Variants in MKLN1 observed in about 807,000 individuals in gnomAD.
MKLN1 encodes the protein muskelin 1.
MKLN1 carries 18 observed loss-of-function variants against 99.0 expected under a neutral mutation model. That is an observed-to-expected ratio of 0.18 (90% CI 0.13 to 0.27). MKLN1 has a LOEUF of 0.27. Ranked by LOEUF, MKLN1 falls within the 10% of genes least tolerant of loss-of-function variation. The probability of loss-of-function intolerance (pLI) is 1.00; values close to 1 mark genes in which losing one functional copy is unlikely to be tolerated. For synonymous variants in MKLN1, 288 were observed against 293.2 expected, an observed-to-expected ratio of 0.98 and a Z score of 0.18; for missense variants, 621 against 875.9, an observed-to-expected ratio of 0.71 and a Z score of 3.67.
chr7:131,120,170 C>CAAA (rs34545571), intron 1 of MKLN1, among the ~76,000 whole-genome samples: 5,890 of 76,332 alleles, frequency 0.077, 465 homozygotes, highest in Admixed American at 0.14. Context: ...GACTCCATCT[C>CAAA]AAAAAAAAAA....
intron 12 of MKLN1, among the ~76,000 whole-genome samples, chr7:131,446,250 A>G (rs1169339198): frequency 2.6e-5 from 4 of 152,116 alleles, no homozygotes; most frequent in Non-Finnish European, 5.9e-5. Context: ...TATATTAGGC[A>G]CTAGCATAGT....
At chr7:131,264,651 G>T (rs4731776) in intron 3 of MKLN1, among the ~76,000 whole-genome samples, 68,788 of 151,272 alleles carry the variant, frequency 0.45, 16,856 homozygotes, top group East Asian at 0.67. Flanking sequence ...GGGTTTTTGG[G>T]TTTTTTTTCT....
At chr7:131,466,751 ACT>A (rs932147782) in intron 15 of MKLN1, among the ~76,000 whole-genome samples, 1 of 152,174 alleles carries the variant, frequency 6.6e-6, no homozygotes, top group Non-Finnish European at 1.5e-5. Context: ...GCTTTTGATA[ACT>A]CTCTTAACTG....
chr7:131,227,527 T>TTCTTTCTC (rs1797174078), intron 3 of MKLN1, among the ~76,000 whole-genome samples: 1 of 149,308 alleles, frequency 6.7e-6, no homozygotes, highest in Non-Finnish European at 1.5e-5. Context: ...CTTTCTTTCT[T>TTCTTTCTC]TCTTTCTTTC....
intron 3 of MKLN1, among the ~76,000 whole-genome samples, chr7:131,285,946 G>A (rs1281412768): frequency 6.7e-6 from 1 of 149,140 alleles, no homozygotes. Context: ...TGTTTCCTCA[G>A]CATCTATGGA....
intron 3 of MKLN1, among the ~76,000 whole-genome samples, chr7:131,234,083 G>A (rs1381377515): frequency 6.6e-6 from 1 of 152,030 alleles, no homozygotes; most frequent in Non-Finnish European, 1.5e-5. Flanking sequence ...GGGTTCAAGC[G>A]ATTCTCCTGC....
chr7:131,376,140 G>GTATGTATGT (rs71174943), intron 2 of MKLN1, among the ~76,000 whole-genome samples: 1,360 of 123,792 alleles, frequency 0.011, 33 homozygotes, highest in South Asian at 0.028. Context: ...ATATATGTAT[G>GTATGTATGT]ATGTATGTAT....
chr7:131,164,718 G>A (rs1003962692), intron 2 of MKLN1, among the ~76,000 whole-genome samples: 2 of 152,152 alleles, frequency 1.3e-5, no homozygotes, highest in Non-Finnish European at 2.9e-5. Flanking sequence ...GGTTTCAAAT[G>A]TCATTCAGAT....
At chr7:131,265,394 C>T (rs1204327253) in intron 3 of MKLN1, among the ~76,000 whole-genome samples, 2 of 152,124 alleles carry the variant, frequency 1.3e-5, no homozygotes, top group South Asian at 2.1e-4. Flanking sequence ...TTCTCTCTTA[C>T]GTCTTTCTTC....
At chr7:131,396,418 C>T (rs894910626) in intron 4 of MKLN1, among the ~76,000 whole-genome samples, 7 of 152,114 alleles carry the variant, frequency 4.6e-5, no homozygotes, top group South Asian at 2.1e-4. Context: ...AATTACAATT[C>T]GTTTTTCTTA....
At chr7:131,370,024 A>G (rs1800298019) in intron 1 of MKLN1, among the ~76,000 whole-genome samples, 1 of 152,048 alleles carries the variant, frequency 6.6e-6, no homozygotes, top group Non-Finnish European at 1.5e-5. Context: ...TTTTAGTATT[A>G]ACGGGGTTTC....
At position 131,496,355 on chromosome 7, in the gene MKLN1, T is replaced by G. The variant is rs1202075619; in HGVS notation, c.*8627T>G. 6.6e-6 allele frequency: 1 copy of G among 152,144 alleles called. No homozygotes were observed. Among genetic ancestry groups the G allele is most frequent in the Non-Finnish European group, 1.5e-5 (1 of 68,048 alleles). 9.4% of individuals were successfully genotyped at this position (152,144 alleles called of 1,614,324 possible). A position where few individuals can be genotyped will look rare whatever the true frequency, so the allele number is the denominator to read the frequency against. On this transcript the variant is annotated 3_prime_UTR_variant, in exon 18 of 18. Transcript: ENST00000352689. ...TGACATCAATTGTTTCAAATCATTG[T>G]TGGGCTCTGTCGTGTTCTGCAATCT...
intron 15 of MKLN1, among the ~76,000 whole-genome samples, chr7:131,468,818 G>C (rs1321067298): frequency 1.3e-5 from 2 of 152,154 alleles, no homozygotes; most frequent in Non-Finnish European, 2.9e-5. Flanking sequence ...TAACTTTCAG[G>C]ACACTGATCT....
intron 2 of MKLN1, among the ~76,000 whole-genome samples, chr7:131,198,148 A>C (rs1796676411): frequency 6.6e-6 from 1 of 152,230 alleles, no homozygotes; most frequent in South Asian, 2.1e-4. Flanking sequence ...TGAAAAGGAA[A>C]ACTGTGTAAA....
At chr7:131,161,482 G>A (rs1332119153) in intron 2 of MKLN1, among the ~76,000 whole-genome samples, 1 of 152,220 alleles carries the variant, frequency 6.6e-6, no homozygotes, top group Non-Finnish European at 1.5e-5. Flanking sequence ...AAGTGGCATT[G>A]TTGGTGGTGA....
rs796782537 is a variant in MKLN1 at position 131,316,448 on chromosome 7, A to G, written c.-178-58976A>G. On this transcript the variant is annotated intron_variant, in intron 3 of 7. Coordinates refer to the MKLN1 transcript ENST00000416992. Reference sequence around the variant, plus strand: ...ACTCCCACACAAAAACTCCCATCCAAATGTCATCAGCCTCAAATATCAAAG... The same window carrying G: ...ACTCCCACACAAAAACTCCCATCCAGATGTCATCAGCCTCAAATATCAAAG... 2.0e-5 allele frequency among the ~76,000 whole-genome samples: 3 copies of G among 152,318 alleles called. No individual in the cohort carries two copies. In the South Asian group the frequency reaches 6.2e-4, roughly 32 times the overall value.
In MKLN1 at chr7:131,400,518, A is replaced by AAAAATATATAT. The variant is rs527702723; in HGVS notation, c.703+1086_703+1087insAAATATATATA. Among the ~76,000 whole-genome samples the AAAAATATATAT allele has an allele frequency of 7.4e-4, 102 of 137,424 alleles. 1 individual carries two copies. The South Asian group carries it at 0.01, about 13-fold the overall frequency. 90.2% of individuals were successfully genotyped at this position (137,424 alleles called of 152,430 possible). Reference sequence around the variant, plus strand: ...TTTAAAATGCTACCAATAAAAAAAAAATATATATATATATATATATATGCC... The same window carrying AAAAATATATAT: ...TTTAAAATGCTACCAATAAAAAAAAAAAAATATATATATATATATATATATATATATATGCC... On this transcript the variant is annotated intron_variant, in intron 6 of 17. Transcript: ENST00000352689.
chr7:131,282,349 C>CAAAA lies in MKLN1; in HGVS notation c.-179+79392_-179+79395dup, dbSNP rs1001483569. On this transcript the variant is annotated intron_variant, in intron 3 of 7. Coordinates refer to the MKLN1 transcript ENST00000416992. ...GGGCAACAAGAGTGAAACTCCGTCT[C>CAAAA]AAAAAAAAAAAAAAAAAAAAGAAAG... Among the ~76,000 whole-genome samples the CAAAA allele has an allele frequency of 1.7e-4, 11 of 65,426 alleles. 1 individual carries two copies. The highest frequency in any genetic ancestry group is 3.4e-4 in the Non-Finnish European group (10 of 29,760). The allele number at this position is 65,426 out of a possible 152,430, so 42.9% of individuals were successfully genotyped here.
chr7:131,329,202 G>A (rs1041149138), intron 1 of MKLN1, among the ~76,000 whole-genome samples: 20 of 152,314 alleles, frequency 1.3e-4, no homozygotes, highest in Middle Eastern at 3.4e-3. Context: ...TTATATCAAT[G>A]AAGAATCTCA....
Sources: allele counts gnomAD v4.1 joint callset (sites outside exome capture counted in the v4.1 genomes callset), GRCh38; gene constraint gnomAD v4.1.1; transcripts MANE v1.5; gene names NCBI Gene and HGNC (gene_info 2026-07-23, HGNC 2026-07-21).